NAV1: variants seen among roughly 807,000 people sequenced by gnomAD.
NAV1 encodes pore membrane and/or filament interacting like protein 3.
A neutral mutation model predicts 175.2 loss-of-function variants in NAV1; 18 were observed. The ratio of observed to expected loss-of-function variants is 0.10; its 90% CI spans 0.07 to 0.15. The LOEUF is 0.15. Among genes scored for constraint, NAV1 ranks in the 10% least tolerant of loss-of-function variants. The probability of loss-of-function intolerance (pLI) is 1.00; values close to 1 mark genes in which losing one functional copy is unlikely to be tolerated. For missense variants in NAV1, 1,731 were observed against 2,436.6 expected (o/e 0.71, Z 6.10); for synonymous variants, 897 against 978.7 (o/e 0.92, Z 1.56).
At chr1:201,777,984 TCAGTGGAGCATC>T (rs1239077230) in intron 3 of NAV1, among the ~76,000 whole-genome samples, 2 of 152,030 alleles carry the variant, frequency 1.3e-5, no homozygotes, top group Admixed American at 1.3e-4. Context: ...TATGCTCTCT[TCAGTGGAGCATC>T]TCCAGTGGAG....
At chr1:201,745,616 G>A (rs902288629) in intron 3 of NAV1, among the ~76,000 whole-genome samples, 1 of 152,182 alleles carries the variant, frequency 6.6e-6, no homozygotes, top group African/African-American at 2.4e-5. Flanking sequence ...GGGAGGGAAA[G>A]TGCCTGTCCT....
chr1:201,550,010 CAAAAAAAAAAAAAAA>C (rs1186985996), intron 1 of NAV1, among the ~76,000 whole-genome samples: 1 of 17,696 alleles, frequency 5.7e-5, no homozygotes, highest in Admixed American at 7.1e-4. Flanking sequence ...GACTCCATCT[CAAAAAAAAAAAAAAA>C]AAAAAAAAAA....
intron 2 of NAV1, among the ~76,000 whole-genome samples, chr1:201,598,069 G>T (rs530139318): frequency 3.6e-4 from 55 of 152,326 alleles, no homozygotes; most frequent in Non-Finnish European, 6.3e-4. Context: ...AAAGCTAAGT[G>T]TTCTTCAAGA....
At chr1:201,753,576 G>A (rs1454437822) in intron 3 of NAV1, among the ~76,000 whole-genome samples, 1 of 152,208 alleles carries the variant, frequency 6.6e-6, no homozygotes, top group Non-Finnish European at 1.5e-5. Context: ...CAGAATGACA[G>A]TGCTCAACTC....
intron 3 of NAV1, among the ~76,000 whole-genome samples, chr1:201,759,873 G>A (rs1674733833): frequency 6.6e-6 from 1 of 152,146 alleles, no homozygotes; most frequent in African/African-American, 2.4e-5. Context: ...TTGAGGGATT[G>A]AATAAACTCC....
chr1:201,779,461 C>T (rs867795500), intron 3 of NAV1, among the ~76,000 whole-genome samples: 21 of 150,340 alleles, frequency 1.4e-4, no homozygotes, highest in Middle Eastern at 3.6e-3. Flanking sequence ...AGCTGGGTGT[C>T]GTGGCGGGTG....
intron 29 of NAV1, 119 bp from the exon 34 acceptor site, chr1:201,819,718 C>T: frequency 1.3e-6 from 1 of 783,236 alleles, no homozygotes; most frequent in Non-Finnish European, 2.1e-6. Flanking sequence ...CTCCTGGCTT[C>T]AAGCTATCCT....
chr1:201,583,089 G>C (rs1463833131), intron 1 of NAV1, among the ~76,000 whole-genome samples: 1 of 152,282 alleles, frequency 6.6e-6, no homozygotes, highest in African/African-American at 2.4e-5. Context: ...CCCATCTTCT[G>C]ACTGTCCAGG....
At chr1:201,799,457 T>C (rs1462097697) in intron 15 of NAV1, among the ~76,000 whole-genome samples, 1 of 152,256 alleles carries the variant, frequency 6.6e-6, no homozygotes, top group Non-Finnish European at 1.5e-5. Flanking sequence ...TATTTCATTT[T>C]ATTTATAAAT....
At chr1:201,626,863 A>G (rs905812868) in intron 1 of NAV1, among the ~76,000 whole-genome samples, 3 of 152,162 alleles carry the variant, frequency 2.0e-5, no homozygotes, top group Admixed American at 6.6e-5. Flanking sequence ...AGTGCTGTCC[A>G]CTCAGGCTGA....
chr1:201,742,130 T>C (rs887253201), intron 3 of NAV1, among the ~76,000 whole-genome samples: 2 of 152,212 alleles, frequency 1.3e-5, no homozygotes, highest in African/African-American at 2.4e-5. Context: ...ACTTCACATA[T>C]AAAATTTAAC....
At chr1:201,668,014 T>C (rs1356198742) in intron 1 of NAV1, among the ~76,000 whole-genome samples, 4 of 152,224 alleles carry the variant, frequency 2.6e-5, no homozygotes, top group Non-Finnish European at 5.9e-5. Flanking sequence ...TCTGGGTCAT[T>C]GGTGTCAGCT....
At chr1:201,745,574 A>T (rs1254179440) in intron 3 of NAV1, among the ~76,000 whole-genome samples, 4 of 152,190 alleles carry the variant, frequency 2.6e-5, no homozygotes, top group Non-Finnish European at 4.4e-5. Context: ...TGATGGTGAC[A>T]TGACCATTTT....
chr1:201,624,323 T>G (rs1668262406), intron 1 of NAV1, among the ~76,000 whole-genome samples: 1 of 151,280 alleles, frequency 6.6e-6, no homozygotes, highest in South Asian at 2.1e-4. Flanking sequence ...AAACAAACGC[T>G]TAGTCAACTA....
rs1672256550 is a variant in NAV1, at chr1:201,718,988, TG to T, written c.1226+234del. Reference sequence around the variant, plus strand: ...TACATCCAAGGAGCTGATTGGTCAATGAAGGCGCCTCCCTCTCATTGGTCTC... The same window carrying T: ...TACATCCAAGGAGCTGATTGGTCAATAAGGCGCCTCCCTCTCATTGGTCTC... On this transcript the variant is annotated intron_variant, in intron 3 of 29. Coordinates refer to ENST00000367296, the Ensembl canonical transcript of NAV1. This position sits in a 1 kb window ranked among gnomAD's most constrained non-coding sequence, Gnocchi z 4.8. Among the ~76,000 whole-genome samples, 1 of 152,032 alleles carries T rather than the reference TG, an allele frequency of 6.6e-6. No homozygotes were observed. The highest frequency in any genetic ancestry group is 1.5e-5 in the Non-Finnish European group (1 of 67,990).
chr1:201,778,903 AT>A (rs776793526), intron 3 of NAV1, among the ~76,000 whole-genome samples: 1 of 152,254 alleles, frequency 6.6e-6, no homozygotes, highest in Non-Finnish European at 1.5e-5. Context: ...ACACAAAAAA[AT>A]CTTCAGCCTT....
At chr1:201,651,484 G>A (rs1669203093) in intron 1 of NAV1, among the ~76,000 whole-genome samples, 1 of 152,142 alleles carries the variant, frequency 6.6e-6, no homozygotes, top group Non-Finnish European at 1.5e-5. Context: ...TTCCTGCTTA[G>A]CAGTTGTCAC....
At position 201,810,403 on chromosome 1, in the gene NAV1, G is replaced by C; in HGVS notation, c.4562-120G>C. 4 of 966,980 alleles carry C rather than the reference G, an allele frequency of 4.1e-6. No individual in the cohort carries two copies. In the South Asian group the frequency reaches 6.9e-5, roughly 17 times the overall value. The allele number at this position is 966,980 out of a possible 1,614,324, so 59.9% of individuals were successfully genotyped here. On this transcript the variant is annotated intron_variant, in intron 23 of 29. Transcript: ENST00000367296. This position sits in a 1 kb window ranked among gnomAD's most constrained non-coding sequence, Gnocchi z 6.0. ...GTTAAGGGACTCTTATGGAACCATG[G>C]GGCAAGTGGCTCTGAGTTTCTTCAG...
chr1:201,616,776 C>T (rs1188949436), intron 2 of NAV1, among the ~76,000 whole-genome samples: 1 of 152,214 alleles, frequency 6.6e-6, no homozygotes, highest in East Asian at 1.9e-4. Context: ...CATAAGCCAC[C>T]ATGCCCGGCC....
Sources: gnomAD v4.1 joint callset for allele counts (sites outside exome capture counted in the v4.1 genomes callset) on GRCh38, gnomAD v4.1.1 for gene constraint, Gnocchi (gnomAD v3.1) non-coding constraint, MANE v1.5 for transcripts, NCBI Gene and HGNC (gene_info 2026-07-23, HGNC 2026-07-21) for gene names.